The following UAP1 variants were observed in gnomAD, a reference collection of about 807,000 sequenced individuals.
UAP1 encodes UDP-N-acetylglucosamine pyrophosphorylase 1.
A neutral mutation model predicts 58.5 loss-of-function variants in UAP1; 25 were observed. The observed-to-expected ratio is 0.43, with a 90% CI of 0.31 to 0.60. The LOEUF (loss-of-function observed/expected upper bound fraction) is 0.60. Among genes scored for constraint, UAP1 ranks in the 20% least tolerant of loss-of-function variants. UAP1 has a pLI of 0.11. For synonymous variants in UAP1, 208 were observed against 213.0 expected, an observed-to-expected ratio of 0.98 and a Z score of 0.21; for missense variants, 575 against 630.0, an observed-to-expected ratio of 0.91 and a Z score of 0.93.
intron 2 of UAP1, among the ~76,000 whole-genome samples, chr1:162,576,250 GATAGTGTCATC>G (rs1436440286): frequency 6.6e-6 from 1 of 152,118 alleles, no homozygotes; most frequent in African/African-American, 2.4e-5. Context: ...GAGGTAATTT[GATAGTGTCATC>G]ATTCATCCCG....
At chr1:162,587,745 C>T in intron 6 of UAP1, 77 bp downstream of exon 6, 1 of 1,370,256 alleles carries the variant, frequency 7.3e-7, no homozygotes, top group East Asian at 2.3e-5. Flanking sequence ...GGGATGCAGA[C>T]ACCCCAAGTC....
intron 2 of UAP1, among the ~76,000 whole-genome samples, chr1:162,575,484 T>C (rs1654119996): frequency 6.6e-6 from 1 of 152,084 alleles, no homozygotes; most frequent in South Asian, 2.1e-4. Context: ...CAGGCTGGAG[T>C]GCAGTGGTGC....
chr1:162,561,807 G>C (rs1333650276), intron 1 of UAP1, 30 bp downstream of exon 1: 1 of 152,446 alleles, frequency 6.6e-6, no homozygotes, highest in East Asian at 1.9e-4. Flanking sequence ...GCGAGGAGAC[G>C]GCGGGGCTCG....
chr1:162,574,179 G>A (rs1265646778), intron 2 of UAP1, among the ~76,000 whole-genome samples: 2 of 145,336 alleles, frequency 1.4e-5, no homozygotes, highest in Admixed American at 7.1e-5. Flanking sequence ...TGCAGCCTCC[G>A]CCTCCTGGGT....
At chr1:162,596,423 C>T (rs1409611384) in intron 9 of UAP1, among the ~76,000 whole-genome samples, 4 of 152,204 alleles carry the variant, frequency 2.6e-5, no homozygotes, top group Non-Finnish European at 5.9e-5. Flanking sequence ...GATCCACCCA[C>T]CGCGGCCTCC....
chr1:162,578,250 C>T (rs1020490812), intron 3 of UAP1, among the ~76,000 whole-genome samples: 6 of 152,170 alleles, frequency 3.9e-5, no homozygotes, highest in Non-Finnish European at 8.8e-5. Context: ...CCCCGAGCAG[C>T]AGCCTTTGGT....
In UAP1 at chr1:162,588,654, C is replaced by T. The variant is rs374501358; in HGVS notation, c.1029-39C>T. On this transcript the variant is annotated intron_variant, in intron 6 of 10. Coordinates refer to ENST00000271469, the Ensembl canonical transcript of UAP1. ...TGTAAGATTTTCTGGCATTTTAAAT[C>T]TGGAACGTGATTATATCTTTTCTCC... 146 of 1,577,886 alleles carry T rather than the reference C, an allele frequency of 9.3e-5. 4 individuals carry two copies. Among genetic ancestry groups the T allele is most frequent in the East Asian group, 7.7e-4 (33 of 42,708 alleles).
In UAP1 at chr1:162,599,134, T is replaced by TAA. The variant is rs148589887; in HGVS notation, c.1477-135_1477-134dup. ...ATTAAGTCTACTCTAAAATGTCTAT[T>TAA]AAATAGATTTTGACTTTTATATTCT... On this transcript the variant is annotated intron_variant, in intron 10 of 10. Coordinates refer to ENST00000271469, the Ensembl canonical transcript of UAP1. The TAA allele has an allele frequency of 4.0e-3, 2,153 of 537,798 alleles. 54 individuals are homozygous for TAA. The East Asian group carries it at 0.058, about 14-fold the overall frequency. The allele number at this position is 537,798 out of a possible 1,614,324, so 33.3% of individuals were successfully genotyped here.
chr1:162,584,143 T>C (rs1187359344), intron 5 of UAP1, among the ~76,000 whole-genome samples: 1 of 152,234 alleles, frequency 6.6e-6, no homozygotes, highest in African/African-American at 2.4e-5. Context: ...CATGCAAAGA[T>C]GCAAGTGTTA....
intron 2 of UAP1, among the ~76,000 whole-genome samples, chr1:162,570,531 A>C (rs917561493): frequency 2.0e-5 from 3 of 151,964 alleles, no homozygotes; most frequent in African/African-American, 4.8e-5. Flanking sequence ...TTTTATCCTC[A>C]TATAGTTTGG....
At chr1:162,597,124 G>T (rs890023877) in intron 9 of UAP1, 1 of 152,164 alleles carries the variant, frequency 6.6e-6, no homozygotes, top group Non-Finnish European at 1.5e-5. Flanking sequence ...GAAAAAACAT[G>T]TACTGGGAAA....
intron 8 of UAP1, among the ~76,000 whole-genome samples, chr1:162,591,034 C>T (rs1655278903): frequency 6.6e-6 from 1 of 151,802 alleles, no homozygotes; most frequent in Non-Finnish European, 1.5e-5. Context: ...AATCGATTCT[C>T]CTACCTCAGC....
At chr1:162,581,328 A>G (rs1223531872) in exon 5 of UAP1, 1 of 1,613,892 alleles carries the variant, frequency 6.2e-7, no homozygotes, top group Non-Finnish European at 8.5e-7. Context: ...AGCCCAGAAT[A>G]TTGTGGAGGA....
At chr1:162,570,127 T>A (rs79433763) in intron 2 of UAP1, among the ~76,000 whole-genome samples, 45 of 149,952 alleles carry the variant, frequency 3.0e-4, no homozygotes, top group African/African-American at 1.1e-3. Flanking sequence ...CCAGCCTGGT[T>A]GACAGAGCGA....
At chr1:162,561,854 A>C (rs1204352608) in intron 1 of UAP1, 77 bp downstream of exon 1, 2 of 152,294 alleles carry the variant, frequency 1.3e-5, no homozygotes, top group Non-Finnish European at 2.9e-5. Flanking sequence ...CCCACCGCAC[A>C]CACGGCCACG....
intron 1 of UAP1, among the ~76,000 whole-genome samples, chr1:162,565,115 GGAT>G (rs1557962303): frequency 1.3e-5 from 2 of 151,944 alleles, no homozygotes; most frequent in African/African-American, 4.8e-5. Context: ...GCCTGTGCTG[GGAT>G]TACAGGTGTG....
intron 8 of UAP1, among the ~76,000 whole-genome samples, chr1:162,591,802 T>A (rs1655327123): frequency 6.6e-6 from 1 of 151,642 alleles, no homozygotes; most frequent in Admixed American, 6.6e-5. Flanking sequence ...TTTTTTTTTT[T>A]AAGACAAGGT....
At chr1:162,582,346 C>T (rs545062207) in intron 5 of UAP1, among the ~76,000 whole-genome samples, 32 of 151,824 alleles carry the variant, frequency 2.1e-4, no homozygotes, top group Non-Finnish European at 3.5e-4. Context: ...GAAAGGGGGC[C>T]GAAGACCATC....
intron 2 of UAP1, among the ~76,000 whole-genome samples, chr1:162,575,881 C>T (rs1654149694): frequency 6.6e-6 from 1 of 152,088 alleles, no homozygotes; most frequent in Non-Finnish European, 1.5e-5. Context: ...ACAGGTTTCG[C>T]TATGTTGGCC....
Sources: gnomAD v4.1 joint callset for allele counts (sites outside exome capture counted in the v4.1 genomes callset) on GRCh38, gnomAD v4.1.1 for gene constraint, MANE v1.5 for transcripts, NCBI Gene and HGNC (gene_info 2026-07-23, HGNC 2026-07-21) for gene names.